EDA: variants seen among roughly 807,000 people sequenced by gnomAD.
EDA encodes ectodysplasin A, also known as ectodysplasin-A.
EDA carries 2 observed loss-of-function variants against 23.6 expected under a neutral mutation model. The observed-to-expected ratio is 0.08, with a 90% CI of 0.03 to 0.27. The LOEUF is 0.27. Ranked by LOEUF, EDA falls within the 10% of genes least tolerant of loss-of-function variation. The pLI is 1.00. For missense variants in EDA, 229 were observed against 324.2 expected, an observed-to-expected ratio of 0.71 and a Z score of 2.26; for synonymous variants, 131 against 132.0, an observed-to-expected ratio of 0.99 and a Z score of 0.05.
chrX:69,684,426 C>CA (rs1934477291), intron 1 of EDA, among the ~76,000 whole-genome samples: 1 of 111,242 alleles, frequency 9.0e-6, no homozygotes, highest in Non-Finnish European at 1.9e-5. Flanking sequence ...CCAAATTCAT[C>CA]AAAAAAACAA....
chrX:69,797,446 A>T (rs1194609313), intron 1 of EDA, among the ~76,000 whole-genome samples: 1 of 111,940 alleles, frequency 8.9e-6, no homozygotes, highest in African/African-American at 3.2e-5. Context: ...GGGATGATAT[A>T]TTCAAAGTTC....
chrX:69,883,965 G>A (rs185087770), intron 1 of EDA, among the ~76,000 whole-genome samples: 7 of 110,626 alleles, frequency 6.3e-5, no homozygotes, highest in Non-Finnish European at 9.5e-5. Context: ...TTAGCCAGGC[G>A]TGGTGGGAGG....
intron 3 of EDA, among the ~76,000 whole-genome samples, chrX:70,027,577 T>C (rs939258892): frequency 1.8e-5 from 2 of 110,683 alleles, no homozygotes; most frequent in East Asian, 5.8e-4. Context: ...AATCCCAGCA[T>C]TTTGGGAGGC....
At chrX:69,968,857 A>G in intron 2 of EDA, among the ~76,000 whole-genome samples, 1 of 112,350 alleles carries the variant, frequency 8.9e-6, no homozygotes, top group East Asian at 2.8e-4. Context: ...AGAGAACATA[A>G]GTCCTATGTA....
At chrX:69,689,327 G>A (rs1334289845) in intron 1 of EDA, among the ~76,000 whole-genome samples, 2 of 93,688 alleles carry the variant, frequency 2.1e-5, no homozygotes, top group African/African-American at 4.1e-5. Flanking sequence ...ACGGAGTCTT[G>A]CTCTGTCGCC....
In EDA at chrX:69,786,243, G is replaced by A. The variant is rs1317384467; in HGVS notation, c.396+169539G>A. ...TTGTTGATCCTTTCAAAAACCCAGC[G>A]CCTGGATTCATTAAGTTTTTGAAGG... is the stretch of plus-strand genomic sequence containing the variant. On this transcript the variant is annotated intron_variant, in intron 1 of 7. Transcript: ENST00000374552. Among the ~76,000 whole-genome samples the A allele has an allele frequency of 3.6e-5, 4 of 110,769 alleles. No individual in the cohort carries two copies. In the East Asian group the frequency reaches 1.1e-3, roughly 32 times the overall value.
At chrX:69,975,608 C>T (rs756891325) in intron 2 of EDA, among the ~76,000 whole-genome samples, 1 of 111,305 alleles carries the variant, frequency 9.0e-6, no homozygotes, top group South Asian at 3.8e-4. Flanking sequence ...TGCACATGTA[C>T]TCCCTGAATC....
At chrX:69,704,134 G>A (rs919149377) in intron 1 of EDA, among the ~76,000 whole-genome samples, 15 of 111,705 alleles carry the variant, frequency 1.3e-4, no homozygotes, top group African/African-American at 4.9e-4. Context: ...CTACAGCTTG[G>A]TTTTACACAT....
chrX:69,629,471 C>T (rs1932494231), intron 1 of EDA, among the ~76,000 whole-genome samples: 1 of 112,086 alleles, frequency 8.9e-6, no homozygotes, highest in Non-Finnish European at 1.9e-5. Flanking sequence ...AGCTCTTATA[C>T]CTACAACGCT....
intron 1 of EDA, chrX:69,617,777 C>G (rs762756728): frequency 6.1e-5 from 21 of 346,833 alleles, no homozygotes; most frequent in South Asian, 5.3e-4. Flanking sequence ...GTGAGGGACC[C>G]AAGCCTTCTA....
At chrX:69,728,756 C>T (rs941321009) in intron 1 of EDA, among the ~76,000 whole-genome samples, 1 of 111,272 alleles carries the variant, frequency 9.0e-6, no homozygotes, top group Non-Finnish European at 1.9e-5. Flanking sequence ...CAAGCTAGTG[C>T]AGTGGCAGTG....
intron 1 of EDA, among the ~76,000 whole-genome samples, chrX:69,768,149 A>T (rs931711942): frequency 9.0e-6 from 1 of 111,493 alleles, no homozygotes; most frequent in Non-Finnish European, 1.9e-5. Flanking sequence ...GCTTGACTTT[A>T]CATTTTCACA....
chrX:69,760,031 C>G (rs2014251017), intron 1 of EDA, among the ~76,000 whole-genome samples: 2 of 108,150 alleles, frequency 1.8e-5, no homozygotes, highest in Admixed American at 2.0e-4. Context: ...CCAGATCTCT[C>G]CCTAGATCTG....
chrX:69,735,563 G>T (rs779048165), intron 1 of EDA, among the ~76,000 whole-genome samples: 1 of 111,522 alleles, frequency 9.0e-6, no homozygotes, highest in South Asian at 3.8e-4. Context: ...CCAAGCTTTT[G>T]GTGTAATTCT....
chrX:69,917,406 C>T (rs1022837135), intron 1 of EDA, among the ~76,000 whole-genome samples: 12 of 112,189 alleles, frequency 1.1e-4, no homozygotes, highest in Admixed American at 1.9e-4. Context: ...GGTTGCCTTT[C>T]CCCACTGAGT....
rs771332047 is a variant in EDA at position 70,015,476 on chromosome X, G to A, written c.503-7742G>A. ...TAATCCCAGCTACTCGGGAGGCTGA[G>A]GCAGGAGAATCACTTGAACCCAGGA... On this transcript the variant is annotated intron_variant, in intron 2 of 7. Transcript: ENST00000374552. 3.1e-3 allele frequency among the ~76,000 whole-genome samples: 347 copies of A among 111,331 alleles called. 1 individual carries two copies. The highest frequency in any genetic ancestry group is 0.011 in the African/African-American group (333 of 30,596).
chrX:69,754,502 T>C (rs1020073065), intron 1 of EDA, among the ~76,000 whole-genome samples: 1 of 111,864 alleles, frequency 8.9e-6, no homozygotes, highest in Non-Finnish European at 1.9e-5. Context: ...TTAACATTTT[T>C]TCCTTCATTT....
intron 1 of EDA, among the ~76,000 whole-genome samples, chrX:69,807,092 T>C (rs1471543785): frequency 9.0e-6 from 1 of 110,620 alleles, no homozygotes; most frequent in African/African-American, 3.3e-5. Flanking sequence ...TTTAAGCAGT[T>C]AAAAAGAGTA....
At chrX:69,866,834 C>T (rs1457131698) in intron 1 of EDA, among the ~76,000 whole-genome samples, 1 of 112,106 alleles carries the variant, frequency 8.9e-6, no homozygotes, top group East Asian at 2.8e-4. Flanking sequence ...TGCCGCACTT[C>T]TTTAGCCATA....
Sources: gnomAD v4.1 joint callset for allele counts (sites outside exome capture counted in the v4.1 genomes callset) on GRCh38, gnomAD v4.1.1 for gene constraint, MANE v1.5 for transcripts, NCBI Gene and HGNC (gene_info 2026-07-23, HGNC 2026-07-21) for gene names.